ANK2: variants seen among roughly 807,000 people sequenced by gnomAD.
ANK2 encodes the protein ankyrin 2.
A neutral mutation model predicts 360.5 loss-of-function variants in ANK2; 83 were observed. That is an observed-to-expected ratio of 0.23 (90% CI 0.19 to 0.28). The LOEUF (loss-of-function observed/expected upper bound fraction) is 0.28, where lower values mean the gene tolerates loss of function less well. ANK2 is among the 10% of genes least tolerant of loss of function. The pLI is 1.00. For missense variants in ANK2, 4,201 were observed against 4,795.7 expected (o/e 0.88, Z 3.66); for synonymous variants, 1,740 against 1,759.5 (o/e 0.99, Z 0.28).
At chr4:113,246,678 A>AAAAC (rs140688806) in intron 9 of ANK2, among the ~76,000 whole-genome samples, 168 of 152,330 alleles carry the variant, frequency 1.1e-3, no homozygotes, top group African/African-American at 3.8e-3. Flanking sequence ...TGATGAACAA[A>AAAAC]AAACACACAG....
At chr4:112,814,502 A>AGTG (rs1253281662), upstream of ANK2, among the ~76,000 whole-genome samples, 1 of 152,070 alleles carries the variant, frequency 6.6e-6, no homozygotes, top group Non-Finnish European at 1.5e-5. Context: ...TCTGGAGTGC[A>AGTG]GTGGCATGAT....
At chr4:113,330,520 C>T (rs559883005) in intron 27 of ANK2, 50 bp downstream of exon 27, 1 of 1,573,634 alleles carries the variant, frequency 6.4e-7, no homozygotes, top group Non-Finnish European at 8.7e-7. Flanking sequence ...AGCTTGTGTC[C>T]TCTACATGAA....
chr4:112,968,660 T>C (rs2038268950), intron 2 of ANK2, among the ~76,000 whole-genome samples: 2 of 152,180 alleles, frequency 1.3e-5, no homozygotes, highest in African/African-American at 4.8e-5. Flanking sequence ...CATTATAACA[T>C]TCACAGCAGC....
chr4:113,210,708 T>C (rs1178826637), intron 4 of ANK2, among the ~76,000 whole-genome samples: 1 of 152,208 alleles, frequency 6.6e-6, no homozygotes, highest in Admixed American at 6.5e-5. Context: ...GAAATAATTA[T>C]GTAAAACGCT....
intron 17 of ANK2, among the ~76,000 whole-genome samples, chr4:113,279,680 A>C (rs1353024587): frequency 6.7e-6 from 1 of 148,468 alleles, no homozygotes; most frequent in Non-Finnish European, 1.5e-5. Flanking sequence ...TGTTCTGTAT[A>C]ATATATATTT....
chr4:112,984,845 T>C (rs1284569930), intron 2 of ANK2, among the ~76,000 whole-genome samples: 1 of 152,218 alleles, frequency 6.6e-6, no homozygotes, highest in Non-Finnish European at 1.5e-5. Context: ...CTGAGGCTGC[T>C]CAATTACATT....
At chr4:113,148,314 A>T (rs547585720) in intron 1 of ANK2, among the ~76,000 whole-genome samples, 18 of 152,308 alleles carry the variant, frequency 1.2e-4, no homozygotes, top group Admixed American at 1.1e-3. Context: ...CCTTAGCATA[A>T]CAAATTAATT....
At chr4:113,085,661 A>C (rs762048051) in intron 1 of ANK2, among the ~76,000 whole-genome samples, 17 of 152,144 alleles carry the variant, frequency 1.1e-4, no homozygotes, top group Non-Finnish European at 2.1e-4. Context: ...AAGCAAGAAG[A>C]AGATATATCT....
At chr4:112,978,891 TG>T (rs2042243925) in intron 2 of ANK2, among the ~76,000 whole-genome samples, 1 of 152,258 alleles carries the variant, frequency 6.6e-6, no homozygotes. Context: ...GTGCTGTTAC[TG>T]GAGCCAACTG....
Position 113,355,186 on chromosome 4 carries a change from G to C in ANK2, c.6568G>C (p.Ala2190Pro). The C allele has an allele frequency of 1.2e-6, 2 of 1,614,100 alleles. No individual in the cohort carries two copies. The highest frequency in any genetic ancestry group is 8.5e-7 in the Non-Finnish European group (1 of 1,179,960). Reference protein sequence around the residue: ...LDYMKDEFLPALSLQSGALDG... With the variant: ...LDYMKDEFLPPLSLQSGALDG... ...CTACATGAAAGATGAGTTCCTTCCA[G>C]CTCTGTCTTTACAAAGCGGTGCTTT... The change falls in exon 38 of 46, where the codon GCT becomes CCT. Residue 2190 changes from alanine to proline, a missense_variant. Transcript: ENST00000357077.
chr4:113,354,225 GTCA>G lies in ANK2; in HGVS notation c.5613_5615del (p.Ser1873del), dbSNP rs1410596670. The G allele has an allele frequency of 6.2e-7, 1 of 1,613,738 alleles. No homozygotes were observed. Among genetic ancestry groups the G allele is most frequent in the Non-Finnish European group, 8.5e-7 (1 of 1,179,882 alleles). On this transcript the variant is annotated inframe_deletion, in exon 38 of 46. Transcript: ENST00000357077. ...CAAAAACGGAAAGACATTCACCTGCGTCATCATCGAGTAAAACTGAGAAACACT... is the reference window on the plus strand; with the variant it reads ...CAAAAACGGAAAGACATTCACCTGCGTCATCGAGTAAAACTGAGAAACACT...
chr4:112,939,709 A>AG (rs1450816455), intron 2 of ANK2, among the ~76,000 whole-genome samples: 1 of 151,962 alleles, frequency 6.6e-6, no homozygotes, highest in Non-Finnish European at 1.5e-5. Flanking sequence ...ACTGTGAAAA[A>AG]TCTCCCTCCT....
At position 112,970,730 on chromosome 4, in the gene ANK2, C is replaced by T. The variant is rs138173491; in HGVS notation, c.21+66216C>T. 3.2e-3 allele frequency among the ~76,000 whole-genome samples: 490 copies of T among 152,042 alleles called. 1 individual carries two copies. Among genetic ancestry groups the T allele is most frequent in the African/African-American group, 0.011 (453 of 41,446 alleles). On this transcript the variant is annotated intron_variant, in intron 2 of 30. Transcript: ENST00000503271. ...AGTGGGTAGATTTTGGTCAAAAGTACAAAATTTCAGTTAGACAGATGAAGA... is the reference window on the plus strand; with the variant it reads ...AGTGGGTAGATTTTGGTCAAAAGTATAAAATTTCAGTTAGACAGATGAAGA...
intron 1 of ANK2, among the ~76,000 whole-genome samples, chr4:112,872,027 T>A (rs913640199): frequency 7.4e-6 from 1 of 134,680 alleles, no homozygotes; most frequent in Admixed American, 7.6e-5. Flanking sequence ...TGCATCTGTA[T>A]TTTTTTTTTT....
intron 22 of ANK2, among the ~76,000 whole-genome samples, chr4:113,297,004 C>A (rs1253707326): frequency 6.6e-6 from 1 of 152,002 alleles, no homozygotes; most frequent in Non-Finnish European, 1.5e-5. Flanking sequence ...GGGAATAGTT[C>A]AGTAAACTCA....
At chr4:113,171,774 TG>T (rs2097963941) in intron 1 of ANK2, among the ~76,000 whole-genome samples, 1 of 152,326 alleles carries the variant, frequency 6.6e-6, no homozygotes, top group South Asian at 2.1e-4. Context: ...GAAAACTTTT[TG>T]TTACTCTATA....
At chr4:112,908,921 T>C (rs994945646) in intron 2 of ANK2, among the ~76,000 whole-genome samples, 10 of 152,184 alleles carry the variant, frequency 6.6e-5, no homozygotes, top group African/African-American at 2.4e-4. Flanking sequence ...GTTCTAGTTA[T>C]ACAGAAGAAA....
At chr4:113,039,292 A>G (rs561504087) in intron 2 of ANK2, among the ~76,000 whole-genome samples, 2 of 152,016 alleles carry the variant, frequency 1.3e-5, no homozygotes, top group African/African-American at 4.8e-5. Flanking sequence ...GGTTTCCACC[A>G]TTCTTGAGAT....
chr4:112,878,842 C>G (rs1484060933), intron 1 of ANK2, among the ~76,000 whole-genome samples: 1 of 151,892 alleles, frequency 6.6e-6, no homozygotes, highest in Admixed American at 6.6e-5. Flanking sequence ...TCACCGTGGT[C>G]TCGATCTCCT....
Sources: gnomAD v4.1 joint callset for allele counts (sites outside exome capture counted in the v4.1 genomes callset) on GRCh38, gnomAD v4.1.1 for gene constraint, MANE v1.5 for transcripts, NCBI Gene and HGNC (gene_info 2026-07-23, HGNC 2026-07-21) for gene names.